The following FBXL17 variants were observed in gnomAD, a reference collection of about 807,000 sequenced individuals.
The protein encoded by FBXL17 is F-box and leucine rich repeat protein 17, also known as F-box/LRR-repeat protein 17.
FBXL17 carries 22 observed loss-of-function variants against 66.2 expected under a neutral mutation model. That is an observed-to-expected ratio of 0.33 (90% confidence interval 0.24 to 0.47). FBXL17 has a LOEUF of 0.47. Among genes scored for constraint, FBXL17 ranks in the 20% least tolerant of loss-of-function variants. The pLI is 1.00. For missense variants in FBXL17, 878 were observed against 948.2 expected, an observed-to-expected ratio of 0.93 and a Z score of 0.97; for synonymous variants, 474 against 400.5, an observed-to-expected ratio of 1.18 and a Z score of -2.19.
intron 7 of FBXL17, among the ~76,000 whole-genome samples, chr5:107,936,193 G>A (rs1365874417): frequency 6.6e-6 from 1 of 151,986 alleles, no homozygotes; most frequent in Non-Finnish European, 1.5e-5. Flanking sequence ...AATATGAGAT[G>A]AGTTTGAAAA....
At chr5:108,049,807 G>C (rs1182630537) in intron 6 of FBXL17, among the ~76,000 whole-genome samples, 2 of 152,162 alleles carry the variant, frequency 1.3e-5, no homozygotes, top group Non-Finnish European at 2.9e-5. Flanking sequence ...TGGATAAGGA[G>C]TCAAGACCCA....
intron 7 of FBXL17, among the ~76,000 whole-genome samples, chr5:108,004,699 G>C (rs915199553): frequency 2.6e-5 from 4 of 152,106 alleles, no homozygotes; most frequent in African/African-American, 4.8e-5. Context: ...GGCTTCAGAG[G>C]AATCAGCATT....
At chr5:107,872,184 T>C (rs892929151) in intron 8 of FBXL17, among the ~76,000 whole-genome samples, 3 of 152,208 alleles carry the variant, frequency 2.0e-5, no homozygotes, top group African/African-American at 4.8e-5. Flanking sequence ...TTTCAGAAGA[T>C]GAACTGTACA....
intron 4 of FBXL17, among the ~76,000 whole-genome samples, chr5:108,306,769 C>T (rs1758861194): frequency 6.6e-6 from 1 of 151,882 alleles, no homozygotes; most frequent in African/African-American, 2.4e-5. Flanking sequence ...AACTTGGGTA[C>T]AATTTGCAGG....
chr5:108,279,581 CT>C (rs1757622044), intron 4 of FBXL17, among the ~76,000 whole-genome samples: 1 of 151,414 alleles, frequency 6.6e-6, no homozygotes, highest in South Asian at 2.1e-4. Flanking sequence ...TATGACACCC[CT>C]AAAGAAGCAC....
At chr5:108,309,651 C>A (rs1307175017) in intron 4 of FBXL17, among the ~76,000 whole-genome samples, 3 of 151,784 alleles carry the variant, frequency 2.0e-5, no homozygotes, top group Non-Finnish European at 4.4e-5. Context: ...ATAAGTGAAG[C>A]CACATATAAA....
chr5:108,300,244 AG>A (rs932439459), intron 4 of FBXL17, among the ~76,000 whole-genome samples: 1 of 151,998 alleles, frequency 6.6e-6, no homozygotes, highest in African/African-American at 2.4e-5. Context: ...TATAGCATCG[AG>A]GAAAAAAATA....
intron 6 of FBXL17, among the ~76,000 whole-genome samples, chr5:108,179,544 A>G (rs1319893563): frequency 6.6e-6 from 1 of 152,234 alleles, no homozygotes; most frequent in African/African-American, 2.4e-5. Context: ...CAATGAATTC[A>G]TTTTAAAATA....
At position 108,219,293 on chromosome 5, in the gene FBXL17, G is replaced by A. The variant is rs543422514; in HGVS notation, c.1614+4828C>T. Among the ~76,000 whole-genome samples, 9 of 20,866 alleles carry A rather than the reference G, an allele frequency of 4.3e-4. 1 individual carries two copies. The highest frequency in any genetic ancestry group is 1.4e-3 in the Admixed American group (2 of 1,382). The allele number at this position is 20,866 out of a possible 152,430, so 13.7% of individuals were successfully genotyped here. ...GAAGCAATTTCTTTAAGAAATACAG[G>A]GGTATTCAAGTTATTATTTCTTCTT... On this transcript the variant is annotated intron_variant, in intron 5 of 8. Transcript: ENST00000542267.
At chr5:108,001,825 T>C (rs1753741302) in intron 7 of FBXL17, among the ~76,000 whole-genome samples, 1 of 146,532 alleles carries the variant, frequency 6.8e-6, no homozygotes, top group South Asian at 2.1e-4. Flanking sequence ...TAAGGTTAGT[T>C]TCCGACATCT....
intron 6 of FBXL17, among the ~76,000 whole-genome samples, chr5:108,153,299 T>C (rs1024420127): frequency 2.6e-5 from 4 of 152,224 alleles, no homozygotes; most frequent in African/African-American, 9.6e-5. Flanking sequence ...GGATCTAAAC[T>C]AAAAATTTCT....
At chr5:108,033,174 C>A (rs1418683385) in intron 6 of FBXL17, among the ~76,000 whole-genome samples, 1 of 152,082 alleles carries the variant, frequency 6.6e-6, no homozygotes, top group African/African-American at 2.4e-5. Context: ...TAACATTTTG[C>A]TATATTTGCT....
At chr5:108,176,729 T>C in intron 6 of FBXL17, among the ~76,000 whole-genome samples, 1 of 152,078 alleles carries the variant, frequency 6.6e-6, no homozygotes, top group East Asian at 1.9e-4. Flanking sequence ...AGTATTTCCT[T>C]AAAAATGATA....
chr5:108,148,151 T>A (rs1751631061), intron 6 of FBXL17, among the ~76,000 whole-genome samples: 1 of 152,100 alleles, frequency 6.6e-6, no homozygotes, highest in Non-Finnish European at 1.5e-5. Flanking sequence ...TTATTTCTGA[T>A]AGGGAAGGGA....
intron 7 of FBXL17, among the ~76,000 whole-genome samples, chr5:107,972,992 A>G (rs913134541): frequency 6.6e-6 from 1 of 152,136 alleles, no homozygotes; most frequent in Non-Finnish European, 1.5e-5. Flanking sequence ...GTTAGTCCTC[A>G]TGCGCTCCCT....
chr5:107,890,707 T>A (rs1344588864), intron 7 of FBXL17, among the ~76,000 whole-genome samples: 1 of 149,990 alleles, frequency 6.7e-6, no homozygotes, highest in Non-Finnish European at 1.5e-5. Context: ...TGTATCAGAG[T>A]AGGATGTGAT....
At chr5:107,920,130 T>C (rs911208641) in intron 7 of FBXL17, among the ~76,000 whole-genome samples, 2 of 152,244 alleles carry the variant, frequency 1.3e-5, no homozygotes, top group Non-Finnish European at 2.9e-5. Context: ...CATATTAGTA[T>C]GTTTTTGAGA....
At position 107,889,073 on chromosome 5, in the gene FBXL17, C is replaced by A. The variant is rs180704743; in HGVS notation, c.1823-7894G>T. 4.9e-3 allele frequency among the ~76,000 whole-genome samples: 738 copies of A among 152,156 alleles called. 6 individuals are homozygous for A. The highest frequency in any genetic ancestry group is 6.8e-3 in the Middle Eastern group (2 of 294). On this transcript the variant is annotated intron_variant, in intron 7 of 8. Coordinates refer to ENST00000542267, the MANE Select transcript of FBXL17 (RefSeq NM_001163315.3). Reference sequence around the variant, plus strand: ...GTACCTTCTCGTGGGTTTTAATTTCCATTTCCCTAAGGATTAATGGTATTG... The same window carrying A: ...GTACCTTCTCGTGGGTTTTAATTTCAATTTCCCTAAGGATTAATGGTATTG...
chr5:108,195,765 T>C (rs1304216751), intron 5 of FBXL17, among the ~76,000 whole-genome samples: 2 of 152,172 alleles, frequency 1.3e-5, no homozygotes, highest in African/African-American at 4.8e-5. Flanking sequence ...TGAAGTGATT[T>C]TGGCTATACA....
Sources: gnomAD v4.1 joint callset for allele counts (sites outside exome capture counted in the v4.1 genomes callset) on GRCh38, gnomAD v4.1.1 for gene constraint, MANE v1.5 for transcripts, NCBI Gene and HGNC (gene_info 2026-07-23, HGNC 2026-07-21) for gene names.